Variants in SULT1C2 observed in about 807,000 individuals in gnomAD.
SULT1C2 encodes the protein sulfotransferase family 1C member 2, also known as sulfotransferase 1C2.
SULT1C2 carries 27 observed loss-of-function variants against 36.0 expected under a neutral mutation model. The ratio of observed to expected loss-of-function variants is 0.75; its 90% CI spans 0.55 to 1.03. SULT1C2 has a LOEUF of 1.03. Ranked by LOEUF, SULT1C2 falls within the 50% of genes least tolerant of loss-of-function variation. The pLI is 0.00. For missense variants in SULT1C2, 395 were observed against 359.2 expected (o/e 1.10, Z -0.80); for synonymous variants, 121 against 116.0 (o/e 1.04, Z -0.27).
chr2:108,304,391 A>G, intron 4 of SULT1C2, 183 bp from the exon 5 acceptor site: 1 of 549,930 alleles, frequency 1.8e-6, no homozygotes. Context: ...TGAAGTAGAG[A>G]GCAGACTTGG....
Position 108,309,189 on chromosome 2 carries a change from G to A in SULT1C2, c.*725G>A, listed in dbSNP as rs1677096345. 1 of 152,238 alleles carries A rather than the reference G, an allele frequency of 6.6e-6. No homozygotes were observed. The highest frequency in any genetic ancestry group is 6.5e-5 in the Admixed American group (1 of 15,284). The allele number at this position is 152,238 out of a possible 1,614,324, so 9.4% of individuals were successfully genotyped here. ...CAGCATGGGCATGGCTCCCAGGCATGGAGGTAATTGGGTCTTGGCTTCAAT... is the reference window on the plus strand; with the variant it reads ...CAGCATGGGCATGGCTCCCAGGCATAGAGGTAATTGGGTCTTGGCTTCAAT... On this transcript the variant is annotated 3_prime_UTR_variant, in exon 8 of 8. Coordinates refer to ENST00000251481, the MANE Select transcript of SULT1C2 (RefSeq NM_001056.4).
At position 108,294,484 on chromosome 2, in the gene SULT1C2, T is replaced by TCCCTCC. The variant is rs1247348447; in HGVS notation, c.277+131_277+132insCCTCCC. 5.6e-4 allele frequency: 515 copies of TCCCTCC among 921,056 alleles called. 1 individual carries two copies. Among genetic ancestry groups the TCCCTCC allele is most frequent in the Non-Finnish European group, 7.2e-4 (458 of 632,512 alleles). The allele number at this position is 921,056 out of a possible 1,614,324, so 57.1% of individuals were successfully genotyped here. A position where few individuals can be genotyped will look rare whatever the true frequency, so the allele number is the denominator to read the frequency against. On this transcript the variant is annotated intron_variant, in intron 3 of 7. Coordinates refer to ENST00000251481, the MANE Select transcript of SULT1C2 (RefSeq NM_001056.4). ...CCATCTCTCCTTCCTCTTCTCTTTCTCTCTCATTTTCACTGTCATATGTTT... is the reference window on the plus strand; with the variant it reads ...CCATCTCTCCTTCCTCTTCTCTTTCTCCCTCCCTCTCATTTTCACTGTCATATGTTT...
Position 108,297,648 on chromosome 2 carries a change from G to A in SULT1C2, c.278-3190G>A, listed in dbSNP as rs529567636. On this transcript the variant is annotated intron_variant, in intron 3 of 7. Coordinates refer to ENST00000251481, the MANE Select transcript of SULT1C2 (RefSeq NM_001056.4). ...GAGCAACCATCGTGGTATTCCTGGC[G>A]GGTGAGGCAACCCCATGGGGCTTTT... 4.6e-5 allele frequency among the ~76,000 whole-genome samples: 7 copies of A among 152,160 alleles called. 1 individual carries two copies. Among genetic ancestry groups the A allele is most frequent in the South Asian group, 4.2e-4 (2 of 4,812 alleles).
At chr2:108,291,633 A>T (rs1676593962) in intron 1 of SULT1C2, among the ~76,000 whole-genome samples, 1 of 152,306 alleles carries the variant, frequency 6.6e-6, no homozygotes, top group Admixed American at 6.5e-5. Flanking sequence ...GGCAATTTTT[A>T]AAGAAGGAAC....
intron 3 of SULT1C2, among the ~76,000 whole-genome samples, chr2:108,295,517 A>T (rs937400251): frequency 1.3e-5 from 2 of 151,862 alleles, no homozygotes; most frequent in African/African-American, 4.8e-5. Flanking sequence ...TTAAATCCTG[A>T]CTCCATCACT....
chr2:108,296,179 G>A (rs1676721413), intron 3 of SULT1C2, among the ~76,000 whole-genome samples: 2 of 152,198 alleles, frequency 1.3e-5, no homozygotes, highest in Non-Finnish European at 1.5e-5. Flanking sequence ...AAAGAAAGAG[G>A]AGAGGCCTAA....
At chr2:108,302,120 T>G (rs1403946060) in intron 4 of SULT1C2, 1 of 152,188 alleles carries the variant, frequency 6.6e-6, no homozygotes, top group Non-Finnish European at 1.5e-5. Flanking sequence ...TCCCTAAGTT[T>G]AGAAACTGCA....
chr2:108,304,518 C>G (rs1478853988), intron 4 of SULT1C2, 56 bp from the exon 5 acceptor site: 3 of 1,549,514 alleles, frequency 1.9e-6, no homozygotes, highest in East Asian at 4.5e-5. Context: ...TAAGGGAACT[C>G]TGTGAAAGTC....
intron 3 of SULT1C2, chr2:108,298,561 T>C: frequency 3.8e-6 from 1 of 261,516 alleles, no homozygotes; most frequent in Non-Finnish European, 7.6e-6. Flanking sequence ...TATTTTTTTT[T>C]TTTAGAGACA....
At position 108,305,157 on chromosome 2, in the gene SULT1C2, C is replaced by G; in HGVS notation, c.503-15C>G. The G allele has an allele frequency of 1.2e-6, 2 of 1,613,960 alleles. No individual in the cohort carries two copies. The highest frequency in any genetic ancestry group is 1.7e-6 in the Non-Finnish European group (2 of 1,179,870). On this transcript the variant is annotated splice_polypyrimidine_tract_variant and intron_variant, in intron 5 of 7. Transcript: ENST00000251481. ...ATGCCTATGTAGACTATTCTGTTTC[C>G]TGTGTCTATTTCAGTGGTTTGGGGT...
In SULT1C2 at chr2:108,304,611, T is replaced by G; in HGVS notation, c.413T>G (p.Val138Gly). 1 of 1,613,490 alleles carries G rather than the reference T, an allele frequency of 6.2e-7. No homozygotes were observed. The highest frequency in any genetic ancestry group is 8.5e-7 in the Non-Finnish European group (1 of 1,179,820). ...GCTCGAAATGCCAAAGACTGTATGG[T>G]TTCCTACTACCATTTCCAAAGGATG... ...YVARNAKDCMVSYYHFQRMNH... is the reference protein window; with the variant it reads ...YVARNAKDCMGSYYHFQRMNH... Residue 138 changes from valine to glycine, a missense_variant, in exon 5 of 8, where the codon GTT (valine) becomes GGT (glycine). Physicochemically the swap from Val to Gly is moderately radical, Grantham distance 109. Coordinates refer to ENST00000251481, the MANE Select transcript of SULT1C2 (RefSeq NM_001056.4).
chr2:108,295,477 G>A (rs769585804), intron 3 of SULT1C2, among the ~76,000 whole-genome samples: 10 of 152,198 alleles, frequency 6.6e-5, no homozygotes, highest in African/African-American at 9.7e-5. Flanking sequence ...TGAGCAGCAG[G>A]ATGGTATAAT....
At chr2:108,305,342 G>T in intron 6 of SULT1C2, 73 bp from the exon 7 acceptor site, 2 of 1,609,748 alleles carry the variant, frequency 1.2e-6, no homozygotes, top group East Asian at 2.2e-5. Flanking sequence ...TGTTTCAAAG[G>T]ACATCCCAGA....
chr2:108,300,768 G>A, intron 3 of SULT1C2, 70 bp from the exon 4 acceptor site: 2 of 1,603,470 alleles, frequency 1.2e-6, no homozygotes, highest in Non-Finnish European at 1.7e-6. Context: ...GTCCTGGACA[G>A]AGCCTGGATC....
rs1421576034 is a variant in SULT1C2, at chr2:108,308,452, C to A, written c.879C>A (p.Cys293Ter). 1.2e-6 allele frequency: 2 copies of A among 1,605,974 alleles called. No homozygotes were observed. The highest frequency in any genetic ancestry group is 4.5e-5 in the East Asian group (2 of 44,846). ...TGGAAGGAACCTCCATAAACTTCTG[C>A]ATGGAACTCTGAGCAAGATGTAAAT... ...RKMEGTSINFCMEL is the reference protein window; with the variant it reads ...RKMEGTSINF Residue 293 changes from cysteine (C) to a stop codon, truncating the protein, a stop_gained, in exon 8 of 8, where the codon TGC becomes TGA. Transcript: ENST00000251481. LOFTEE classifies it high-confidence loss of function.
At chr2:108,303,503 C>G (rs978694101) in intron 4 of SULT1C2, 1 of 152,284 alleles carries the variant, frequency 6.6e-6, no homozygotes, top group Non-Finnish European at 1.5e-5. Context: ...GGTCTGGTAT[C>G]TGACCCTGGG....
intron 3 of SULT1C2, among the ~76,000 whole-genome samples, chr2:108,294,739 C>A (rs1033672902): frequency 1.3e-5 from 2 of 151,912 alleles, no homozygotes; most frequent in African/African-American, 4.8e-5. Flanking sequence ...CCCAGTGCAG[C>A]CAGGAGGGTA....
chr2:108,308,222 A>C, intron 7 of SULT1C2, 130 bp from the exon 8 acceptor site: 1 of 747,942 alleles, frequency 1.3e-6, no homozygotes, highest in South Asian at 1.9e-5. Context: ...ACAGGTGTCC[A>C]CTGAAGGGGG....
In SULT1C2 at chr2:108,293,633, T is replaced by C. The variant is rs758994173; in HGVS notation, c.-21-14T>C. The C allele has an allele frequency of 6.4e-7, 1 of 1,574,040 alleles. No homozygotes were observed. Among genetic ancestry groups the C allele is most frequent in the Non-Finnish European group, 8.6e-7 (1 of 1,164,306 alleles). Reference sequence around the variant, plus strand: ...ACAACTTCTTTAAAAATCTCCTCTATTCTTTTCCCATAGGGACCCCAACCC... The same window carrying C: ...ACAACTTCTTTAAAAATCTCCTCTACTCTTTTCCCATAGGGACCCCAACCC... On this transcript the variant is annotated splice_polypyrimidine_tract_variant and intron_variant, in intron 1 of 7. Transcript: ENST00000251481.
Sources: gnomAD v4.1 joint callset for allele counts (sites outside exome capture counted in the v4.1 genomes callset) on GRCh38, gnomAD v4.1.1 for gene constraint, MANE v1.5 for transcripts, NCBI Gene and HGNC (gene_info 2026-07-23, HGNC 2026-07-21) for gene names.